ARB2A: variants seen among roughly 807,000 people sequenced by gnomAD.
ARB2A encodes the protein cotranscriptional regulator ARB2A.
chr5:94,029,641 T>C, the ARB2A span, among the ~76,000 whole-genome samples: 1 of 151,656 alleles, frequency 6.6e-6, no homozygotes, highest in Non-Finnish European at 1.5e-5. Context: ...ATCCTAACTT[T>C]GTTCACTTAG....
the ARB2A span, among the ~76,000 whole-genome samples, chr5:93,624,896 C>G: frequency 6.6e-6 from 1 of 152,210 alleles, no homozygotes; most frequent in Non-Finnish European, 1.5e-5. Context: ...TCTTAAAATA[C>G]TTTTTGCATG....
the ARB2A span, among the ~76,000 whole-genome samples, chr5:93,663,938 A>G: frequency 2.8e-4 from 42 of 152,298 alleles, no homozygotes; most frequent in African/African-American, 9.4e-4. Context: ...TTGTAATATT[A>G]ACTGCATAAT....
At chr5:93,936,990 G>C in the ARB2A span, among the ~76,000 whole-genome samples, 1 of 149,242 alleles carries the variant, frequency 6.7e-6, no homozygotes, top group South Asian at 2.2e-4. Context: ...ACCCAGGCTG[G>C]AGTGCAGTGG....
the ARB2A span, among the ~76,000 whole-genome samples, chr5:93,621,879 G>T: frequency 2.6e-5 from 4 of 152,190 alleles, no homozygotes; most frequent in African/African-American, 9.7e-5. Context: ...TTTCAAAGCC[G>T]TGACTACTAA....
the ARB2A span, among the ~76,000 whole-genome samples, chr5:94,108,320 C>A: frequency 2.0e-5 from 3 of 151,722 alleles, no homozygotes; most frequent in African/African-American, 7.3e-5. Context: ...GCTTTCTGAA[C>A]TGTTTTCATG....
the ARB2A span, among the ~76,000 whole-genome samples, chr5:93,640,011 C>A: frequency 2.2e-5 from 3 of 136,868 alleles, no homozygotes; most frequent in South Asian, 6.9e-4. Context: ...GAGCCGAGAT[C>A]GTGTCACTGC....
At chr5:93,841,166 C>T in the ARB2A span, among the ~76,000 whole-genome samples, 1 of 152,160 alleles carries the variant, frequency 6.6e-6, no homozygotes, top group South Asian at 2.1e-4. Context: ...GCAGCACATA[C>T]TGTGACATGT....
chr5:93,679,442 T>C, the ARB2A span, among the ~76,000 whole-genome samples: 2 of 152,108 alleles, frequency 1.3e-5, no homozygotes, highest in African/African-American at 4.8e-5. Flanking sequence ...ATGGAGGCTT[T>C]CTAGAAATAT....
At chr5:93,971,118 C>G in the ARB2A span, among the ~76,000 whole-genome samples, 1 of 151,960 alleles carries the variant, frequency 6.6e-6, no homozygotes, top group Non-Finnish European at 1.5e-5. Flanking sequence ...CCTGCCTCAG[C>G]CACCCGAGTA....
chr5:93,999,550 G>C, the ARB2A span, among the ~76,000 whole-genome samples: 11 of 151,990 alleles, frequency 7.2e-5, no homozygotes, highest in Non-Finnish European at 1.5e-4. Context: ...GCAAAATCGA[G>C]AGGAAGGTAC....
chr5:93,848,413 T>C, the ARB2A span, among the ~76,000 whole-genome samples: 2 of 151,422 alleles, frequency 1.3e-5, no homozygotes, highest in African/African-American at 4.8e-5. Context: ...GAAAAAGAGA[T>C]ATTGACTGAT....
the ARB2A span, among the ~76,000 whole-genome samples, chr5:93,962,613 C>A: frequency 6.6e-6 from 1 of 151,972 alleles, no homozygotes; most frequent in Non-Finnish European, 1.5e-5. Context: ...TACAAAAACC[C>A]ACTCTCACTC....
the ARB2A span, among the ~76,000 whole-genome samples, chr5:93,879,895 T>C: frequency 6.6e-6 from 1 of 151,896 alleles, no homozygotes; most frequent in African/African-American, 2.4e-5. Context: ...AAGCCTTATA[T>C]AATTCATTTC....
chr5:93,962,457 T>C, the ARB2A span, among the ~76,000 whole-genome samples: 1 of 152,170 alleles, frequency 6.6e-6, no homozygotes, highest in African/African-American at 2.4e-5. Context: ...AATCATGGGT[T>C]CCACAAAGAG....
the ARB2A span, among the ~76,000 whole-genome samples, chr5:93,728,586 A>G: frequency 6.6e-6 from 1 of 152,076 alleles, no homozygotes; most frequent in African/African-American, 2.4e-5. Flanking sequence ...GACTCTTGAT[A>G]AGAACAGGCC....
At chr5:93,963,724 TATC>T in the ARB2A span, among the ~76,000 whole-genome samples, 1 of 152,042 alleles carries the variant, frequency 6.6e-6, no homozygotes, top group Non-Finnish European at 1.5e-5. Context: ...GATTCTTATA[TATC>T]ATAAAATCAT....
At chr5:93,624,806 A>C in the ARB2A span, among the ~76,000 whole-genome samples, 1 of 152,198 alleles carries the variant, frequency 6.6e-6, no homozygotes, top group South Asian at 2.1e-4. Context: ...CATGATTTTC[A>C]AATGTTCAGC....
At chr5:93,718,319 G>C in the ARB2A span, among the ~76,000 whole-genome samples, 1 of 151,892 alleles carries the variant, frequency 6.6e-6, no homozygotes, top group Non-Finnish European at 1.5e-5. Context: ...GGTGCCTGTA[G>C]TCCCAGCTAC....
the ARB2A span, among the ~76,000 whole-genome samples, chr5:93,992,337 T>A: frequency 1.3e-5 from 2 of 152,040 alleles, no homozygotes; most frequent in Non-Finnish European, 2.9e-5. Context: ...AATACAATGT[T>A]ATAAGGCTCT....
Sources: gnomAD v4.1 joint callset for allele counts (sites outside exome capture counted in the v4.1 genomes callset) on GRCh38, gnomAD v4.1.1 for gene constraint, MANE v1.5 for transcripts, NCBI Gene and HGNC (gene_info 2026-07-23, HGNC 2026-07-21) for gene names.